TUT4: variants seen among roughly 807,000 people sequenced by gnomAD.
The protein encoded by TUT4 is terminal uridylyl transferase 4.
TUT4 carries 36 observed loss-of-function variants against 192.2 expected under a neutral mutation model. The ratio of observed to expected loss-of-function variants is 0.19; its 90% CI spans 0.14 to 0.25. The LOEUF (loss-of-function observed/expected upper bound fraction) is 0.25. TUT4 is among the 10% of genes least tolerant of loss of function. TUT4 has a pLI of 1.00. For missense variants in TUT4, 1,493 were observed against 1,957.2 expected, an observed-to-expected ratio of 0.76 and a Z score of 4.47; for synonymous variants, 618 against 666.0, an observed-to-expected ratio of 0.93 and a Z score of 1.11.
intron 4 of TUT4, among the ~76,000 whole-genome samples, chr1:52,500,722 A>AT (rs1417078285): frequency 2.0e-5 from 3 of 152,214 alleles, no homozygotes; most frequent in Non-Finnish European, 4.4e-5. Flanking sequence ...AGATTGTGCC[A>AT]TTGCACTCCA....
intron 1 of TUT4, among the ~76,000 whole-genome samples, chr1:52,530,923 A>G (rs1042987431): frequency 9.9e-5 from 15 of 152,284 alleles, no homozygotes; most frequent in Middle Eastern, 3.4e-3. Context: ...GGATGGCTTG[A>G]GCCCAGGAGG....
At chr1:52,536,144 C>T (rs1356130684) in intron 1 of TUT4, among the ~76,000 whole-genome samples, 1 of 152,112 alleles carries the variant, frequency 6.6e-6, no homozygotes, top group Non-Finnish European at 1.5e-5. Context: ...TTCCCTTTTA[C>T]ATGATTTAAA....
chr1:52,516,926 CA>C (rs1238082132), intron 2 of TUT4, among the ~76,000 whole-genome samples: 16 of 152,088 alleles, frequency 1.1e-4, no homozygotes, highest in African/African-American at 3.6e-4. Context: ...TCATTTAAGC[CA>C]AAACCTAAAG....
chr1:52,447,867 C>T (rs1658046933), intron 20 of TUT4, among the ~76,000 whole-genome samples: 1 of 152,222 alleles, frequency 6.6e-6, no homozygotes, highest in East Asian at 1.9e-4. Context: ...ACATACCACA[C>T]CACCTTCTCT....
chr1:52,542,438 G>A (rs375865939), intron 1 of TUT4, among the ~76,000 whole-genome samples: 1 of 152,264 alleles, frequency 6.6e-6, no homozygotes, highest in East Asian at 1.9e-4. Flanking sequence ...TGTACACCAC[G>A]ATCAAATGGG....
chr1:52,535,612 A>C (rs1357945041), intron 1 of TUT4, among the ~76,000 whole-genome samples: 4 of 152,148 alleles, frequency 2.6e-5, no homozygotes, highest in Non-Finnish European at 5.9e-5. Context: ...AGGGTGTAGA[A>C]AAAATATTTG....
At chr1:52,502,169 G>A (rs890724333) in intron 4 of TUT4, among the ~76,000 whole-genome samples, 4 of 148,892 alleles carry the variant, frequency 2.7e-5, no homozygotes, top group Non-Finnish European at 4.4e-5. Context: ...CCTTCAATGC[G>A]CCGGTAAGAC....
chr1:52,526,433 G>T, intron 1 of TUT4, 60 bp from the exon 2 acceptor site: 1 of 641,060 alleles, frequency 1.6e-6, no homozygotes, highest in Non-Finnish European at 2.2e-6. Context: ...AATTTTTTAT[G>T]GTTAGACATT....
At chr1:52,493,965 CTTTT>C (rs74540967) in intron 6 of TUT4, among the ~76,000 whole-genome samples, 2 of 132,830 alleles carry the variant, frequency 1.5e-5, no homozygotes, top group Non-Finnish European at 1.6e-5. Flanking sequence ...CCAGCTAATA[CTTTT>C]TTTTTTTTTT....
chr1:52,511,958 G>T (rs931529264), intron 3 of TUT4, among the ~76,000 whole-genome samples: 1 of 151,936 alleles, frequency 6.6e-6, no homozygotes, highest in African/African-American at 2.4e-5. Flanking sequence ...AGTTCAAGGT[G>T]AGAGTGGTGA....
At chr1:52,548,889 T>C (rs560433097) in intron 1 of TUT4, among the ~76,000 whole-genome samples, 2 of 152,230 alleles carry the variant, frequency 1.3e-5, no homozygotes, top group Non-Finnish European at 2.9e-5. Flanking sequence ...CCTTAAGCTA[T>C]TGTTTTCTAG....
chr1:52,452,078 AAGC>A (rs1659593347), intron 20 of TUT4, among the ~76,000 whole-genome samples: 1 of 151,732 alleles, frequency 6.6e-6, no homozygotes, highest in Non-Finnish European at 1.5e-5. Flanking sequence ...TCGAAGACAG[AAGC>A]AGAAGGAACA....
intron 28 of TUT4, among the ~76,000 whole-genome samples, chr1:52,426,751 T>C (rs1463248481): frequency 6.6e-6 from 1 of 152,128 alleles, no homozygotes; most frequent in African/African-American, 2.4e-5. Flanking sequence ...AAATGAGAAA[T>C]GATGTTTTAA....
intron 19 of TUT4, among the ~76,000 whole-genome samples, chr1:52,459,987 G>A (rs547122946): frequency 6.6e-6 from 1 of 152,278 alleles, no homozygotes; most frequent in African/African-American, 2.4e-5. Context: ...TTCTTCCCTT[G>A]AGCAAGGATT....
chr1:52,519,997 C>A (rs1317351477), intron 2 of TUT4, among the ~76,000 whole-genome samples: 1 of 152,026 alleles, frequency 6.6e-6, no homozygotes, highest in East Asian at 1.9e-4. Flanking sequence ...CCAGCCTGGG[C>A]ATCAGAGTGA....
At chr1:52,500,520 T>C (rs1441822040) in intron 4 of TUT4, among the ~76,000 whole-genome samples, 2 of 152,100 alleles carry the variant, frequency 1.3e-5, no homozygotes, top group South Asian at 2.1e-4. Flanking sequence ...CCCAGCACTT[T>C]GGGAGGCTGA....
chr1:52,497,900 T>G (rs1340669714), intron 4 of TUT4, among the ~76,000 whole-genome samples: 3 of 152,216 alleles, frequency 2.0e-5, no homozygotes, highest in Admixed American at 6.5e-5. Flanking sequence ...TATTTAGTAT[T>G]ATTAACACAT....
chr1:52,544,287 C>CA (rs34094471), intron 1 of TUT4, among the ~76,000 whole-genome samples: 8,764 of 102,816 alleles, frequency 0.085, 280 homozygotes, highest in South Asian at 0.12. Context: ...GACTCCATTT[C>CA]AAAAAAAAAA....
intron 14 of TUT4, among the ~76,000 whole-genome samples, chr1:52,469,906 A>T (rs116163412): frequency 0.021 from 3,260 of 151,878 alleles, 105 homozygotes; most frequent in African/African-American, 0.073. Context: ...AAAAAAAAAA[A>T]AAAAGACGGC....
Sources: allele counts gnomAD v4.1 joint callset (sites outside exome capture counted in the v4.1 genomes callset), GRCh38; gene constraint gnomAD v4.1.1; transcripts MANE v1.5; gene names NCBI Gene and HGNC (gene_info 2026-07-23, HGNC 2026-07-21).